Variants in CSMD2 observed in about 807,000 individuals in gnomAD.
The protein encoded by CSMD2 is CUB and sushi domain-containing protein 2.
A neutral mutation model predicts 398.5 loss-of-function variants in CSMD2; 130 were observed. That is an observed-to-expected ratio of 0.33 (90% CI 0.28 to 0.38). CSMD2 has a LOEUF of 0.38. Ranked by LOEUF, CSMD2 falls within the 10% of genes least tolerant of loss-of-function variation. The probability of loss-of-function intolerance (pLI) is 1.00; values close to 1 mark genes in which losing one functional copy is unlikely to be tolerated. For missense variants in CSMD2, 3,829 were observed against 4,764.9 expected (o/e 0.80, Z 5.78); for synonymous variants, 1,828 against 1,908.5 (o/e 0.96, Z 1.10).
chr1:33,538,600 T>G (rs576775659), intron 60 of CSMD2, among the ~76,000 whole-genome samples: 1 of 152,238 alleles, frequency 6.6e-6, no homozygotes, highest in African/African-American at 2.4e-5. Context: ...TGCTGACCAA[T>G]TAGAAGTCAG....
At chr1:33,673,796 G>A (rs1269381689) in intron 25 of CSMD2, among the ~76,000 whole-genome samples, 1 of 152,134 alleles carries the variant, frequency 6.6e-6, no homozygotes, top group African/African-American at 2.4e-5. Context: ...AAGAGAGTGG[G>A]GACCAATATT....
chr1:33,866,098 G>T (rs1015982207), intron 5 of CSMD2, among the ~76,000 whole-genome samples: 1 of 152,094 alleles, frequency 6.6e-6, no homozygotes, highest in Non-Finnish European at 1.5e-5. Context: ...ACTCTACTGC[G>T]CTGAACAGTA....
At chr1:33,754,259 T>C (rs1186016446) in intron 13 of CSMD2, among the ~76,000 whole-genome samples, 1 of 152,182 alleles carries the variant, frequency 6.6e-6, no homozygotes, top group East Asian at 1.9e-4. Context: ...CTTAGCATCA[T>C]CCCCTTGGCT....
upstream of CSMD2, chr1:34,165,786 G>T: frequency 6.2e-7 from 1 of 1,613,968 alleles, no homozygotes; most frequent in Non-Finnish European, 8.5e-7. Flanking sequence ...TGCCATCTAG[G>T]GCCGGGGGCG....
At chr1:33,690,574 T>C (rs887766578) in intron 25 of CSMD2, among the ~76,000 whole-genome samples, 2 of 152,240 alleles carry the variant, frequency 1.3e-5, no homozygotes, top group Non-Finnish European at 2.9e-5. Flanking sequence ...AGGGAATGAA[T>C]GCATCAATGA....
chr1:33,835,889 C>T (rs61769871), intron 6 of CSMD2, among the ~76,000 whole-genome samples: 2,924 of 152,202 alleles, frequency 0.019, 34 homozygotes, highest in Middle Eastern at 0.027. Context: ...TGTCCAGCTT[C>T]GTTCCGTTGC....
Position 33,611,240 on chromosome 1 carries a change from G to C in CSMD2, c.6144C>G (p.Ile2048Met), listed in dbSNP as rs1446728917. ...IALPVGFGAH[I>M]QFLNFSTEPN... ...GCTCGGTGGAGAAGTTCAGGAACTG[G>C]ATGTGAGCTCCTGGGAGCAAGACAG... The change falls in exon 41 of 71, where the codon ATC (isoleucine) becomes ATG (methionine). Residue 2048 changes from isoleucine to methionine, a missense_variant. This residue lies in a region of CSMD2 where 2,001 missense variants were observed against 2,567.1 expected (regional missense o/e 0.78). Transcript: ENST00000373381. 6.2e-7 allele frequency: 1 copy of C among 1,613,682 alleles called. No individual in the cohort carries two copies. Among genetic ancestry groups the C allele is most frequent in the Non-Finnish European group, 8.5e-7 (1 of 1,179,928 alleles).
chr1:34,083,982 A>G lies in CSMD2; in HGVS notation c.404+4995T>C, dbSNP rs539614034. 4.6e-5 allele frequency among the ~76,000 whole-genome samples: 7 copies of G among 150,692 alleles called. No individual in the cohort carries two copies. The East Asian group carries it at 1.3e-3, about 29-fold the overall frequency. On this transcript the variant is annotated intron_variant, in intron 2 of 70. Transcript: ENST00000373381. Reference sequence around the variant, plus strand: ...GCTGTGGCTATTGTTGTCATCATCAATCAAAAAAAAAAAGGCAGTGGTCTC... The same window carrying G: ...GCTGTGGCTATTGTTGTCATCATCAGTCAAAAAAAAAAAGGCAGTGGTCTC...
rs200732456 is a variant in CSMD2 at position 34,014,138 on chromosome 1, C to T, written c.517+18456G>A. On this transcript the variant is annotated intron_variant, in intron 3 of 70. Transcript: ENST00000373381. ...AACTGTCTGGAAGATGCCCACTTCT[C>T]TCCGCCTTCACCGTTGCGGCTCTCA... Among the ~76,000 whole-genome samples the T allele has an allele frequency of 7.2e-5, 11 of 152,378 alleles. No individual in the cohort carries two copies. The East Asian group carries it at 2.1e-3, about 29-fold the overall frequency.
At chr1:33,985,675 A>G (rs1646335140) in intron 3 of CSMD2, among the ~76,000 whole-genome samples, 1 of 152,218 alleles carries the variant, frequency 6.6e-6, no homozygotes, top group Non-Finnish European at 1.5e-5. Context: ...GAGGTTAAGT[A>G]GGATAATGTA....
chr1:34,129,685 C>G (rs1317946253), intron 1 of CSMD2, among the ~76,000 whole-genome samples: 1 of 152,126 alleles, frequency 6.6e-6, no homozygotes, highest in Non-Finnish European at 1.5e-5. Context: ...AATAAAATAG[C>G]CCACGATAGC....
chr1:33,697,518 G>A (rs1645459407), intron 24 of CSMD2, among the ~76,000 whole-genome samples: 1 of 152,194 alleles, frequency 6.6e-6, no homozygotes, highest in Non-Finnish European at 1.5e-5. Context: ...CTGTGAAAAT[G>A]TAGTCGTCTA....
chr1:33,572,451 T>C, intron 50 of CSMD2, 55 bp downstream of exon 50: 1 of 1,426,278 alleles, frequency 7.0e-7, no homozygotes. Context: ...CAGGAATCTT[T>C]CCAGCTGCCT....
At chr1:33,713,458 G>A (rs1571313435) in intron 21 of CSMD2, among the ~76,000 whole-genome samples, 2 of 152,340 alleles carry the variant, frequency 1.3e-5, no homozygotes, top group Non-Finnish European at 2.9e-5. Flanking sequence ...AATACTCCAT[G>A]AATGCAGCTA....
chr1:33,565,481 C>T (rs1275033138), intron 53 of CSMD2, among the ~76,000 whole-genome samples: 1 of 151,610 alleles, frequency 6.6e-6, no homozygotes, highest in Non-Finnish European at 1.5e-5. Context: ...ATAAACAAAA[C>T]AAAGGCAAAC....
At chr1:34,123,238 T>C (rs1466524851) in intron 1 of CSMD2, among the ~76,000 whole-genome samples, 2 of 152,294 alleles carry the variant, frequency 1.3e-5, no homozygotes, top group Non-Finnish European at 2.9e-5. Context: ...TGATCACCAA[T>C]GGCCAATGGC....
intron 6 of CSMD2, among the ~76,000 whole-genome samples, chr1:33,845,281 G>A (rs577859712): frequency 6.6e-6 from 1 of 152,200 alleles, no homozygotes; most frequent in South Asian, 2.1e-4. Flanking sequence ...AGCTTCCTCA[G>A]CTGGAGAAAA....
chr1:33,825,909 C>T (rs1658754229), intron 6 of CSMD2, 135 bp from the exon 7 acceptor site: 1 of 675,598 alleles, frequency 1.5e-6, no homozygotes, highest in African/African-American at 1.8e-5. Context: ...TGGGCTGGGA[C>T]ATTCCAAGGG....
rs544258862 is a variant in CSMD2 at position 33,894,264 on chromosome 1, G to A, written c.920+23830C>T. On this transcript the variant is annotated intron_variant, in intron 5 of 70. Transcript: ENST00000373381. ...TCAGTAACACTGCCTTTTGATACAC[G>A]TACACCTGTAGCAGGTGGTGCCAGT... 3.3e-5 allele frequency among the ~76,000 whole-genome samples: 5 copies of A among 152,130 alleles called. No individual in the cohort carries two copies. The East Asian group carries it at 5.8e-4, about 18-fold the overall frequency.
Sources: gnomAD v4.1 joint callset for allele counts (sites outside exome capture counted in the v4.1 genomes callset) on GRCh38, gnomAD v4.1.1 for gene constraint, gnomAD v4.1.1 regional missense constraint, MANE v1.5 for transcripts, NCBI Gene and HGNC (gene_info 2026-07-23, HGNC 2026-07-21) for gene names.